KRT39: variants seen among roughly 807,000 people sequenced by gnomAD.
KRT39 encodes the protein keratin, type I cytoskeletal 39.
KRT39 carries 47 observed loss-of-function variants against 54.8 expected under a neutral mutation model. That is an observed-to-expected ratio of 0.86 (90% CI 0.68 to 1.09). The LOEUF (loss-of-function observed/expected upper bound fraction) is 1.09, where lower values mean the gene tolerates loss of function less well. Among genes scored for constraint, KRT39 ranks in the 50% least tolerant of loss-of-function variants. The probability of loss-of-function intolerance (pLI) is 0.00; values close to 1 mark genes in which losing one functional copy is unlikely to be tolerated. For missense variants in KRT39, 580 were observed against 598.5 expected (o/e 0.97, Z 0.32); for synonymous variants, 207 against 227.9 (o/e 0.91, Z 0.83).
intron 2 of KRT39, 143 bp from the exon 3 acceptor site, chr17:40,963,926 C>A: frequency 1.7e-6 from 1 of 574,122 alleles, no homozygotes; most frequent in Non-Finnish European, 3.0e-6. Flanking sequence ...GGAGGTGAAA[C>A]CATTTGATAT....
chr17:40,961,863 A>C (rs1158462932), intron 5 of KRT39, among the ~76,000 whole-genome samples: 1 of 152,218 alleles, frequency 6.6e-6, no homozygotes, highest in African/African-American at 2.4e-5. Flanking sequence ...TTCTAAAAAA[A>C]GTGGGGGGAT....
At chr17:40,963,843 A>G in intron 2 of KRT39, 60 bp from the exon 3 acceptor site, 1 of 1,384,838 alleles carries the variant, frequency 7.2e-7, no homozygotes, top group African/African-American at 1.4e-5. Context: ...AACCAAGCCA[A>G]GCAGAACTCT....
intron 5 of KRT39, among the ~76,000 whole-genome samples, chr17:40,960,857 C>T (rs747315911): frequency 1.2e-4 from 19 of 152,186 alleles, no homozygotes; most frequent in Non-Finnish European, 2.1e-4. Flanking sequence ...ACTGGCTGGG[C>T]GCAGTGGCTC....
chr17:40,965,307 T>C (rs961892790), intron 1 of KRT39, among the ~76,000 whole-genome samples: 2 of 151,490 alleles, frequency 1.3e-5, no homozygotes, highest in Non-Finnish European at 2.9e-5. Context: ...ACCTGGGAGC[T>C]GGAGGTTGCA....
intron 3 of KRT39, among the ~76,000 whole-genome samples, 178 bp from the exon 4 acceptor site, chr17:40,962,741 G>A (rs1049971099): frequency 2.6e-5 from 4 of 152,136 alleles, no homozygotes; most frequent in Admixed American, 2.0e-4. Flanking sequence ...ACTCTTTCAG[G>A]TAGGACTGTG....
At chr17:40,964,361 T>A (rs1217954565) in intron 2 of KRT39, 85 bp downstream of exon 2, 2 of 1,093,120 alleles carry the variant, frequency 1.8e-6, no homozygotes, top group African/African-American at 1.5e-5. Context: ...AGAGGGTTAG[T>A]AGACATGGGG....
At chr17:40,962,332 A>T in intron 4 of KRT39, 45 bp from the exon 5 acceptor site, 1 of 1,612,252 alleles carries the variant, frequency 6.2e-7, no homozygotes, top group Non-Finnish European at 8.5e-7. Flanking sequence ...GGAGGAAAAC[A>T]TGACTTTGAT....
intron 1 of KRT39, among the ~76,000 whole-genome samples, chr17:40,964,963 G>A (rs537882743): frequency 8.0e-4 from 121 of 152,144 alleles, no homozygotes; most frequent in African/African-American, 2.7e-3. Context: ...TTGGGAGGCC[G>A]AGGCGGGTAG....
At chr17:40,962,334 G>A (rs1468827360) in intron 4 of KRT39, 47 bp from the exon 5 acceptor site, 2 of 1,612,174 alleles carry the variant, frequency 1.2e-6, no homozygotes, top group East Asian at 4.5e-5. Flanking sequence ...AGGAAAACAT[G>A]ACTTTGATTA....
Position 40,966,643 on chromosome 17 carries a change from G to T in KRT39, c.214C>A (p.Leu72Ile), listed in dbSNP as rs1911411840. Reference protein sequence around the residue: ...TPRFCRKPIYLMNNFNARFSL... With the variant: ...TPRFCRKPIYIMNNFNARFSL... ...AAACGGGCATTGAAGTTGTTCATTA[G>T]GTAGATGGGCTTGCGACAAAAGCGA... Residue 72 changes from leucine to isoleucine, a missense_variant, in exon 1 of 7, where the codon CTA becomes ATA. Leu to Ile is a conservative substitution (Grantham distance 5, BLOSUM62 2). Coordinates refer to ENST00000355612, the MANE Select transcript of KRT39 (RefSeq NM_213656.4). The T allele has an allele frequency of 2.5e-6, 4 of 1,614,094 alleles. No individual in the cohort carries two copies. The highest frequency in any genetic ancestry group is 3.4e-6 in the Non-Finnish European group (4 of 1,180,044).
In KRT39 at chr17:40,962,108, G is replaced by A. The variant is rs1911173476; in HGVS notation, c.996+54C>T. The A allele has an allele frequency of 3.8e-6, 6 of 1,598,970 alleles. No individual in the cohort carries two copies. In the South Asian group the frequency reaches 4.5e-5, roughly 12 times the overall value. ...TTGGGAAATACTGCAGCACACAGGT[G>A]TAAGGGACTGTTTCCATCTTTGCTG... On this transcript the variant is annotated intron_variant, in intron 5 of 6. Coordinates refer to ENST00000355612, the MANE Select transcript of KRT39 (RefSeq NM_213656.4).
intron 6 of KRT39, among the ~76,000 whole-genome samples, chr17:40,959,631 G>A (rs16968877): frequency 0.13 from 20,130 of 152,102 alleles, 1,482 homozygotes; most frequent in Middle Eastern, 0.27. Flanking sequence ...GATTATTTTC[G>A]GGAAGTAGGT....
In KRT39 at chr17:40,958,857, C is replaced by T. The variant is rs368640955; in HGVS notation, c.1220G>A (p.Arg407His). The T allele has an allele frequency of 5.4e-5, 84 of 1,566,348 alleles. No individual in the cohort carries two copies. The highest frequency in any genetic ancestry group is 6.6e-5 in the Non-Finnish European group (76 of 1,156,728). Residue 407 changes from arginine (R) to histidine (H), a missense_variant and splice_region_variant, in exon 7 of 7, where the codon CGT (arginine) becomes CAT (histidine). By Grantham distance (29) the Arg-to-His change is conservative. Coordinates refer to ENST00000355612, the MANE Select transcript of KRT39 (RefSeq NM_213656.4). ...RSLLESSDGK[R>H]PCYPRATKCE... is the part of the protein sequence containing the mutation. Reference sequence around the variant, plus strand: ...TTTGGTGGCACGTGGGTAACAGGGACGCCTAAGGAAAAAAAACACAATTTT... The same window carrying T: ...TTTGGTGGCACGTGGGTAACAGGGATGCCTAAGGAAAAAAAACACAATTTT...
At chr17:40,961,705 T>C (rs1325119426) in intron 5 of KRT39, among the ~76,000 whole-genome samples, 1 of 152,240 alleles carries the variant, frequency 6.6e-6, no homozygotes, top group Non-Finnish European at 1.5e-5. Flanking sequence ...GCCTCATCTG[T>C]AACATTCGTT....
intron 3 of KRT39, among the ~76,000 whole-genome samples, chr17:40,962,944 T>A: frequency 6.6e-6 from 1 of 152,118 alleles, no homozygotes; most frequent in Admixed American, 6.5e-5. Flanking sequence ...CTTGTACCAA[T>A]GGGAGGTGGC....
intron 1 of KRT39, among the ~76,000 whole-genome samples, chr17:40,965,044 A>T (rs561664895): frequency 6.2e-4 from 85 of 137,518 alleles, no homozygotes; most frequent in South Asian, 4.4e-4. Flanking sequence ...AAAATATAAA[A>T]AAAAAAAAAA....
In KRT39 at chr17:40,960,478, T is replaced by C. The variant is rs773089839; in HGVS notation, c.1020A>G (p.Leu340=). ...HRMRDSQECI[L]TETEARYTAL... Reference sequence around the variant, plus strand: ...CCGTGTAGCGAGCCTCTGTCTCCGTTAGGATGCACTCTTGGGAATCTCTCT... The same window carrying C: ...CCGTGTAGCGAGCCTCTGTCTCCGTCAGGATGCACTCTTGGGAATCTCTCT... Residue 340 remains leucine (L), a synonymous_variant, in exon 6 of 7, where the codon CTA becomes CTG. Transcript: ENST00000355612. 9 of 1,613,874 alleles carry C rather than the reference T, an allele frequency of 5.6e-6. No homozygotes were observed. Among genetic ancestry groups the C allele is most frequent in the Non-Finnish European group, 7.6e-6 (9 of 1,179,898 alleles).
In KRT39 at chr17:40,966,657, C is replaced by A. The variant is rs373584744; in HGVS notation, c.200G>T (p.Arg67Leu). The A allele has an allele frequency of 6.2e-7, 1 of 1,614,052 alleles. No individual in the cohort carries two copies. Among genetic ancestry groups the A allele is most frequent in the Non-Finnish European group, 8.5e-7 (1 of 1,180,044 alleles). Residue 67 changes from arginine to leucine, a missense_variant, in exon 1 of 7, where the codon CGC becomes CTC. Transcript: ENST00000355612. ...GTTGTTCATTAGGTAGATGGGCTTGCGACAAAAGCGAGGAGTGGGTTGGCA... is the reference window on the plus strand; with the variant it reads ...GTTGTTCATTAGGTAGATGGGCTTGAGACAAAAGCGAGGAGTGGGTTGGCA... ...QGCQPTPRFC[R>L]KPIYLMNNFN...
chr17:40,961,347 G>A (rs1316756142), intron 5 of KRT39, among the ~76,000 whole-genome samples: 1 of 152,042 alleles, frequency 6.6e-6, no homozygotes, highest in East Asian at 1.9e-4. Flanking sequence ...GGTTTTAATA[G>A]CCTATTATTT....
Sources: gnomAD v4.1 joint callset for allele counts (sites outside exome capture counted in the v4.1 genomes callset) on GRCh38, gnomAD v4.1.1 for gene constraint, MANE v1.5 for transcripts, NCBI Gene and HGNC (gene_info 2026-07-23, HGNC 2026-07-21) for gene names.